The following HFM1 variants were observed in gnomAD, a reference collection of about 807,000 sequenced individuals.
HFM1 encodes the protein helicase for meiosis 1.
In HFM1, 169 loss-of-function variants were observed where a neutral mutation model predicts 192.1. That is an observed-to-expected ratio of 0.88 (90% CI 0.78 to 1.00). The LOEUF (loss-of-function observed/expected upper bound fraction) is 1.00. Ranked by LOEUF, HFM1 falls within the 50% of genes least tolerant of loss-of-function variation. The pLI is 0.00. For synonymous variants in HFM1, 525 were observed against 537.8 expected, an observed-to-expected ratio of 0.98 and a Z score of 0.33; for missense variants, 1,661 against 1,668.0, an observed-to-expected ratio of 1.00 and a Z score of 0.07.
At chr1:91,363,344 ACAAAC>A (rs1160768401) in intron 13 of HFM1, among the ~76,000 whole-genome samples, 4 of 124 alleles carry the variant, frequency 0.032, no homozygotes, top group Admixed American at 0.17. Flanking sequence ...AAGAAAAAAA[ACAAAC>A]AACCCCATTA....
intron 30 of HFM1, among the ~76,000 whole-genome samples, chr1:91,296,152 C>T (rs990980425): frequency 1.3e-5 from 2 of 152,172 alleles, no homozygotes; most frequent in African/African-American, 4.8e-5. Context: ...ATCTCCTGAC[C>T]TCATGATCCG....
intron 13 of HFM1, among the ~76,000 whole-genome samples, chr1:91,361,600 C>G (rs1023648551): frequency 6.6e-6 from 1 of 152,050 alleles, no homozygotes; most frequent in South Asian, 2.1e-4. Flanking sequence ...CCAGAAAGAT[C>G]CACAGCTAAA....
At chr1:91,407,250 T>C (rs563526070), upstream of HFM1, among the ~76,000 whole-genome samples, 1 of 152,016 alleles carries the variant, frequency 6.6e-6, no homozygotes, top group Admixed American at 6.6e-5. Context: ...GAGAAATACT[T>C]AATGTAAATG....
intron 33 of HFM1, among the ~76,000 whole-genome samples, chr1:91,274,074 G>T (rs1406976652): frequency 6.6e-6 from 1 of 151,902 alleles, no homozygotes; most frequent in African/African-American, 2.4e-5. Flanking sequence ...GTCAGTTCCT[G>T]TTCTGTACTA....
At chr1:91,309,121 C>T (rs745611190) in intron 30 of HFM1, among the ~76,000 whole-genome samples, 6 of 152,170 alleles carry the variant, frequency 3.9e-5, no homozygotes, top group African/African-American at 1.2e-4. Context: ...GTTCTAAATG[C>T]GTTCTTCCTG....
intron 13 of HFM1, among the ~76,000 whole-genome samples, chr1:91,367,810 A>G (rs1382853498): frequency 6.6e-6 from 1 of 152,140 alleles, no homozygotes; most frequent in Non-Finnish European, 1.5e-5. Flanking sequence ...CTCCAAGCTA[A>G]AGGAGGAAGT....
At chr1:91,347,252 C>CA (rs1385514828) in intron 19 of HFM1, among the ~76,000 whole-genome samples, 177 bp downstream of exon 19, 2 of 152,058 alleles carry the variant, frequency 1.3e-5, no homozygotes, top group South Asian at 2.1e-4. Context: ...ATTAATTCAG[C>CA]AAAAAAGTAT....
chr1:91,283,030 T>C (rs1667604393), intron 30 of HFM1, among the ~76,000 whole-genome samples: 1 of 152,134 alleles, frequency 6.6e-6, no homozygotes, highest in Non-Finnish European at 1.5e-5. Context: ...ATGCAAGTTT[T>C]GTTTGTTTGT....
intron 20 of HFM1, among the ~76,000 whole-genome samples, chr1:91,341,504 C>A (rs1655332660): frequency 6.6e-6 from 1 of 152,042 alleles, no homozygotes. Flanking sequence ...TTAGCAACCT[C>A]ACTAATATCA....
At chr1:91,407,291 G>GCA (rs1664846966), upstream of HFM1, among the ~76,000 whole-genome samples, 1 of 151,924 alleles carries the variant, frequency 6.6e-6, no homozygotes, top group African/African-American at 2.4e-5. Context: ...AACCGACATG[G>GCA]CACATGTATA....
intron 30 of HFM1, among the ~76,000 whole-genome samples, chr1:91,289,686 C>G (rs1009323452): frequency 6.6e-6 from 1 of 152,092 alleles, no homozygotes; most frequent in South Asian, 2.1e-4. Flanking sequence ...ACAGCGAAAC[C>G]CCGTCTCTAC....
intron 20 of HFM1, among the ~76,000 whole-genome samples, chr1:91,341,023 G>C (rs948897240): frequency 1.3e-5 from 2 of 152,116 alleles, no homozygotes; most frequent in African/African-American, 4.8e-5. Context: ...GACAGTATTA[G>C]ACAGATCATC....
chr1:91,272,465 T>C (rs150544496), intron 34 of HFM1, among the ~76,000 whole-genome samples: 1 of 152,076 alleles, frequency 6.6e-6, no homozygotes, highest in African/African-American at 2.4e-5. Flanking sequence ...TAATATAAAT[T>C]GGATTTGGAA....
intron 13 of HFM1, among the ~76,000 whole-genome samples, chr1:91,374,612 C>A (rs1398614219): frequency 6.6e-6 from 1 of 152,078 alleles, no homozygotes; most frequent in Non-Finnish European, 1.5e-5. Flanking sequence ...CTATGAGTAA[C>A]TAAGGAGATA....
chr1:91,386,668 A>G (rs888302367), intron 4 of HFM1, among the ~76,000 whole-genome samples: 21 of 152,210 alleles, frequency 1.4e-4, no homozygotes, highest in African/African-American at 3.9e-4. Flanking sequence ...AAGCCACTAA[A>G]TATAGTCACA....
chr1:91,366,879 A>G (rs377268728), intron 13 of HFM1, among the ~76,000 whole-genome samples: 38 of 152,378 alleles, frequency 2.5e-4, no homozygotes, highest in African/African-American at 8.7e-4. Context: ...GGTGACAGAC[A>G]GCACCTGGAA....
intron 20 of HFM1, 94 bp from the exon 21 acceptor site, chr1:91,324,860 C>T: frequency 1.4e-6 from 1 of 727,346 alleles, no homozygotes; most frequent in South Asian, 1.5e-5. Flanking sequence ...GGAGGAGAAG[C>T]AAGATGGTAG....
chr1:91,291,538 G>T (rs1214690529), intron 30 of HFM1, among the ~76,000 whole-genome samples: 12 of 152,068 alleles, frequency 7.9e-5, no homozygotes, highest in Non-Finnish European at 1.6e-4. Flanking sequence ...AATAACAGGA[G>T]CTGAAATTGT....
chr1:91,333,314 C>T (rs914346212), intron 20 of HFM1, among the ~76,000 whole-genome samples: 20 of 152,090 alleles, frequency 1.3e-4, no homozygotes, highest in African/African-American at 4.8e-4. Flanking sequence ...ATGGATGGAA[C>T]CCCAGGTCAT....
Sources: gnomAD v4.1 joint callset for allele counts (sites outside exome capture counted in the v4.1 genomes callset) on GRCh38, gnomAD v4.1.1 for gene constraint, MANE v1.5 for transcripts, NCBI Gene and HGNC (gene_info 2026-07-23, HGNC 2026-07-21) for gene names.